The following GRM7 variants were observed in gnomAD, a reference collection of about 807,000 sequenced individuals.
GRM7 encodes the protein glutamate metabotropic receptor 7.
Under a neutral mutation model 84.5 loss-of-function variants are expected in GRM7, and 35 were observed. That is an observed-to-expected ratio of 0.41 (90% CI 0.32 to 0.55). The LOEUF is 0.55. Ranked by LOEUF, GRM7 falls within the 20% of genes least tolerant of loss-of-function variation. GRM7 has a pLI of 0.19. For missense variants in GRM7, 1,003 were observed against 1,194.6 expected (o/e 0.84, Z 2.36); for synonymous variants, 487 against 455.1 (o/e 1.07, Z -0.89).
chr3:6,951,373 G>A (rs952376831), intron 1 of GRM7, among the ~76,000 whole-genome samples: 18 of 152,024 alleles, frequency 1.2e-4, no homozygotes, highest in Non-Finnish European at 2.4e-4. Flanking sequence ...GTGAAATCTG[G>A]GGTAATTGAT....
chr3:7,460,602 C>A (rs1303715164), intron 6 of GRM7, among the ~76,000 whole-genome samples: 1 of 151,946 alleles, frequency 6.6e-6, no homozygotes, highest in Non-Finnish European at 1.5e-5. Flanking sequence ...AGACAGATAG[C>A]AGTCATATAT....
At chr3:7,738,908 T>C (rs1702595908) in intron 9 of GRM7, among the ~76,000 whole-genome samples, 2 of 152,140 alleles carry the variant, frequency 1.3e-5, no homozygotes, top group South Asian at 4.1e-4. Flanking sequence ...ACCAAGCGTA[T>C]TGTTGAAGAC....
At chr3:7,199,591 T>G (rs2125112348) in intron 2 of GRM7, among the ~76,000 whole-genome samples, 1 of 152,348 alleles carries the variant, frequency 6.6e-6, no homozygotes, top group Admixed American at 6.5e-5. Context: ...AGGGTCTTTG[T>G]TAATGTCTGG....
chr3:7,649,218 C>T (rs557735711), intron 8 of GRM7, among the ~76,000 whole-genome samples: 24 of 151,996 alleles, frequency 1.6e-4, no homozygotes, highest in African/African-American at 5.1e-4. Flanking sequence ...TACAGGCACC[C>T]ACTACCACGC....
chr3:7,334,872 AAT>A (rs1701343556), intron 4 of GRM7, among the ~76,000 whole-genome samples: 1 of 152,068 alleles, frequency 6.6e-6, no homozygotes, highest in South Asian at 2.1e-4. Flanking sequence ...ATATGACATA[AAT>A]ATATATGCAC....
intron 7 of GRM7, among the ~76,000 whole-genome samples, chr3:7,495,744 G>A (rs1311339991): frequency 2.0e-5 from 3 of 152,182 alleles, no homozygotes; most frequent in Non-Finnish European, 2.9e-5. Context: ...TACCTTGAAC[G>A]TCTTCTGTTG....
At chr3:7,715,037 C>G (rs1367902072) in intron 9 of GRM7, among the ~76,000 whole-genome samples, 2 of 152,150 alleles carry the variant, frequency 1.3e-5, no homozygotes, top group Non-Finnish European at 2.9e-5. Context: ...CATAGACATG[C>G]CTTCGATTTG....
chr3:7,275,569 A>G lies in GRM7; in HGVS notation c.737-23115A>G, dbSNP rs143532556. Among the ~76,000 whole-genome samples, 26 of 152,260 alleles carry G rather than the reference A, an allele frequency of 1.7e-4. 1 individual carries two copies. The highest frequency in any genetic ancestry group is 3.3e-4 in the Admixed American group (5 of 15,284). ...AAGTAGAAGATGACTAGCCTGAGCT[A>G]CAGTTGGGTATTTCCCAAGGCTAGA... On this transcript the variant is annotated intron_variant, in intron 2 of 9. Coordinates refer to ENST00000357716, the MANE Select transcript of GRM7 (RefSeq NM_000844.4).
chr3:7,117,116 A>T (rs1693062614), intron 1 of GRM7, among the ~76,000 whole-genome samples: 1 of 152,144 alleles, frequency 6.6e-6, no homozygotes, highest in Non-Finnish European at 1.5e-5. Context: ...TACACAGAGA[A>T]ATAAACTCCA....
intron 6 of GRM7, among the ~76,000 whole-genome samples, chr3:7,454,386 G>C (rs1376678322): frequency 6.6e-6 from 1 of 151,972 alleles, no homozygotes. Flanking sequence ...CATGCCAACA[G>C]CTAAATAAGT....
intron 8 of GRM7, among the ~76,000 whole-genome samples, chr3:7,612,978 G>A (rs1053164207): frequency 1.3e-5 from 2 of 151,914 alleles, no homozygotes; most frequent in African/African-American, 2.4e-5. Flanking sequence ...CTGCTTTAAT[G>A]AGCAGATAAT....
intron 8 of GRM7, among the ~76,000 whole-genome samples, chr3:7,621,090 T>C (rs1697334976): frequency 6.6e-6 from 1 of 152,102 alleles, no homozygotes; most frequent in Non-Finnish European, 1.5e-5. Context: ...ATACCTATTT[T>C]TATAGACTGT....
At chr3:6,873,925 A>G (rs1381517483) in intron 1 of GRM7, among the ~76,000 whole-genome samples, 1 of 152,200 alleles carries the variant, frequency 6.6e-6, no homozygotes, top group Non-Finnish European at 1.5e-5. Context: ...CACCTAGGGG[A>G]TTGAGTGAAA....
intron 9 of GRM7, among the ~76,000 whole-genome samples, chr3:7,690,112 G>A (rs1472395772): frequency 1.3e-5 from 2 of 152,190 alleles, no homozygotes; most frequent in Admixed American, 6.5e-5. Flanking sequence ...TGCAGTACAA[G>A]AGAATGTGAC....
intron 8 of GRM7, among the ~76,000 whole-genome samples, chr3:7,623,772 G>T (rs181658743): frequency 6.6e-6 from 1 of 152,280 alleles, no homozygotes; most frequent in East Asian, 1.9e-4. Flanking sequence ...ATTACACACA[G>T]TACAGTATCT....
intron 2 of GRM7, among the ~76,000 whole-genome samples, chr3:7,242,002 T>G (rs1335756241): frequency 3.0e-4 from 45 of 152,126 alleles, no homozygotes. Context: ...CTTTTATAGC[T>G]TCAATGAAAT....
At position 7,314,212 on chromosome 3, in the gene GRM7, T is replaced by C. The variant is rs528298941; in HGVS notation, c.1033+7560T>C. 5.9e-5 allele frequency among the ~76,000 whole-genome samples: 9 copies of C among 152,274 alleles called. No homozygotes were observed. In the South Asian group the frequency reaches 1.7e-3, roughly 28 times the overall value. The stretch of plus-strand genomic sequence containing the variant: ...CTTGCCCAATTGAGAACTGATTATG[T>C]GTATAATGTGTGCTCAGGATTATAA... On this transcript the variant is annotated intron_variant, in intron 4 of 9. Transcript: ENST00000357716.
rs3220585 is a variant in GRM7, at chr3:6,877,809, T to TCACA, written c.519+15943_519+15946dup. 3.0e-3 allele frequency among the ~76,000 whole-genome samples: 433 copies of TCACA among 145,628 alleles called. 3 individuals carry two copies. The highest frequency in any genetic ancestry group is 5.7e-3 in the East Asian group (28 of 4,910). On this transcript the variant is annotated intron_variant, in intron 1 of 9. Transcript: ENST00000357716. ...ATATACACATATACCTACACAGATA[T>TCACA]CACACACACACACACACACACACAC...
intron 1 of GRM7, among the ~76,000 whole-genome samples, chr3:6,921,058 T>G (rs1697105851): frequency 6.6e-6 from 1 of 152,186 alleles, no homozygotes; most frequent in Non-Finnish European, 1.5e-5. Flanking sequence ...GAAAATGACT[T>G]CTGAAGGCAT....
Sources: gnomAD v4.1 joint callset for allele counts (sites outside exome capture counted in the v4.1 genomes callset) on GRCh38, gnomAD v4.1.1 for gene constraint, MANE v1.5 for transcripts, NCBI Gene and HGNC (gene_info 2026-07-23, HGNC 2026-07-21) for gene names.